PLEKHH2: variants seen among roughly 807,000 people sequenced by gnomAD.
PLEKHH2 encodes the protein pleckstrin homology, MyTH4 and FERM domain containing H2.
A neutral mutation model predicts 187.9 loss-of-function variants in PLEKHH2; 129 were observed. The observed-to-expected ratio is 0.69, with a 90% CI of 0.59 to 0.79. PLEKHH2 has a LOEUF of 0.79. PLEKHH2 is among the 30% of genes least tolerant of loss of function. The pLI, the probability that PLEKHH2 is intolerant of heterozygous loss-of-function variation, is 0.00. For synonymous variants in PLEKHH2, 686 were observed against 605.6 expected (o/e 1.13, Z -1.95); for missense variants, 2,076 against 1,751.2 (o/e 1.19, Z -3.31).
At chr2:43,725,202 A>G (rs969082927) in intron 16 of PLEKHH2, among the ~76,000 whole-genome samples, 12 of 152,158 alleles carry the variant, frequency 7.9e-5, no homozygotes, top group African/African-American at 2.7e-4. Context: ...TTCCGTAACC[A>G]CATAGGCTGA....
intron 15 of PLEKHH2, among the ~76,000 whole-genome samples, chr2:43,718,931 G>T (rs1670342351): frequency 6.6e-6 from 1 of 152,140 alleles, no homozygotes; most frequent in Non-Finnish European, 1.5e-5. Context: ...TTACTCATTT[G>T]CTTAAACCAC....
chr2:43,677,361 G>C (rs1667868693), intron 2 of PLEKHH2, among the ~76,000 whole-genome samples: 1 of 152,162 alleles, frequency 6.6e-6, no homozygotes, highest in Non-Finnish European at 1.5e-5. Context: ...TGCAGTGTTT[G>C]TGTCCCTAGG....
At chr2:43,691,509 G>A (rs1281609450) in intron 3 of PLEKHH2, among the ~76,000 whole-genome samples, 4 of 152,304 alleles carry the variant, frequency 2.6e-5, no homozygotes, top group East Asian at 3.9e-4. Context: ...GGGATCAATC[G>A]AAAGAAAGTG....
At position 43,765,401 on chromosome 2, in the gene PLEKHH2, T is replaced by C; in HGVS notation, c.4297-12T>C. 1 of 1,612,650 alleles carries C rather than the reference T, an allele frequency of 6.2e-7. No individual in the cohort carries two copies. The highest frequency in any genetic ancestry group is 1.3e-5 in the African/African-American group (1 of 74,998). ...TCTAAGGAGCAAAACAATTCTGTTT[T>C]CCTTGTTTTAGATTCTTGAAATCAC... On this transcript the variant is annotated splice_polypyrimidine_tract_variant and intron_variant, in intron 29 of 29. Coordinates refer to ENST00000282406, the MANE Select transcript of PLEKHH2 (RefSeq NM_172069.4).
chr2:43,738,659 C>A, intron 20 of PLEKHH2, 139 bp downstream of exon 20: 1 of 807,916 alleles, frequency 1.2e-6, no homozygotes, highest in Non-Finnish European at 1.8e-6. Context: ...ATTTTGATGT[C>A]TACCTTTTTG....
At chr2:43,761,166 A>G (rs1036505452) in intron 27 of PLEKHH2, among the ~76,000 whole-genome samples, 48 of 152,156 alleles carry the variant, frequency 3.2e-4, no homozygotes, top group African/African-American at 1.1e-3. Context: ...AGCAAGTTTT[A>G]TTATATAAAA....
chr2:43,700,489 T>C lies in PLEKHH2; in HGVS notation c.1531T>C (p.Leu511=). 1 of 1,614,066 alleles carries C rather than the reference T, an allele frequency of 6.2e-7. No individual in the cohort carries two copies. The highest frequency in any genetic ancestry group is 1.3e-5 in the African/African-American group (1 of 74,992). The change falls in exon 8 of 30, where the codon TTA becomes CTA. Residue 511 remains leucine, a synonymous_variant. Coordinates refer to ENST00000282406, the MANE Select transcript of PLEKHH2 (RefSeq NM_172069.4). The part of the protein sequence containing the change: ...ENMDTSCDDG[L]FSYDSLDSPN... ...TATGGACACGAGTTGTGATGATGGA[T>C]TATTTTCCTATGACTCCTTGGACTC...
In PLEKHH2 at chr2:43,711,687, C is replaced by T. The variant is rs562949918; in HGVS notation, c.2302-538C>T. On this transcript the variant is annotated intron_variant, in intron 14 of 29. Transcript: ENST00000282406. Reference sequence around the variant, plus strand: ...CAGGCGGATCATGAGGTCAGGAGATCGAGACCATCCTGGCTAACACGGTGA... The same window carrying T: ...CAGGCGGATCATGAGGTCAGGAGATTGAGACCATCCTGGCTAACACGGTGA... 40 of 569,258 alleles carry T rather than the reference C, an allele frequency of 7.0e-5. No individual in the cohort carries two copies. In the East Asian group the frequency reaches 4.7e-3, roughly 66 times the overall value. The allele number at this position is 569,258 out of a possible 1,614,324, so 35.3% of individuals were successfully genotyped here.
intron 19 of PLEKHH2, among the ~76,000 whole-genome samples, chr2:43,736,563 G>A (rs972213444): frequency 1.3e-5 from 2 of 152,172 alleles, no homozygotes; most frequent in South Asian, 2.1e-4. Flanking sequence ...GATCGGGCGC[G>A]GTGGCTCACC....
chr2:43,675,657 T>C (rs773917577), intron 2 of PLEKHH2: 1 of 1,614,008 alleles, frequency 6.2e-7, no homozygotes, highest in Non-Finnish European at 8.5e-7. Context: ...ATTTCAGGCA[T>C]ATTGCCAGCT....
intron 4 of PLEKHH2, among the ~76,000 whole-genome samples, chr2:43,693,215 A>G (rs894188999): frequency 6.6e-6 from 1 of 152,144 alleles, no homozygotes; most frequent in Non-Finnish European, 1.5e-5. Flanking sequence ...ATGAGCCACC[A>G]TGCCCAGCCA....
intron 3 of PLEKHH2, chr2:43,681,586 T>A: frequency 1.2e-6 from 1 of 854,778 alleles, no homozygotes; most frequent in Non-Finnish European, 1.9e-6. Context: ...CACTCATGAC[T>A]AGTGCCTCTT....
rs1327433491 is a variant in PLEKHH2 at position 43,767,006 on chromosome 2, G to C, written c.*1408G>C. 1 of 152,762 alleles carries C rather than the reference G, an allele frequency of 6.5e-6. No individual in the cohort carries two copies. Among genetic ancestry groups the C allele is most frequent in the African/African-American group, 2.4e-5 (1 of 41,436 alleles). The allele number at this position is 152,762 out of a possible 1,614,324, so 9.5% of individuals were successfully genotyped here. ...ATTACTTTATTAGGTTATGTAAGTG[G>C]TCAGTGCATTCCAGTATGTGTCACA... On this transcript the variant is annotated 3_prime_UTR_variant, in exon 30 of 30. Transcript: ENST00000282406.
At chr2:43,703,891 GA>G in intron 8 of PLEKHH2, 89 bp from the exon 9 acceptor site, 1 of 786,150 alleles carries the variant, frequency 1.3e-6, no homozygotes, top group Non-Finnish European at 2.0e-6. Flanking sequence ...AAGAACAAAT[GA>G]AAAACATGTG....
chr2:43,712,097 A>G, intron 14 of PLEKHH2, 128 bp from the exon 15 acceptor site: 2 of 1,344,568 alleles, frequency 1.5e-6, no homozygotes, highest in South Asian at 2.9e-5. Flanking sequence ...TTATTTAGAA[A>G]CTGGGACTTG....
intron 15 of PLEKHH2, among the ~76,000 whole-genome samples, chr2:43,714,146 C>G (rs1670101055): frequency 6.6e-6 from 1 of 152,144 alleles, no homozygotes; most frequent in Non-Finnish European, 1.5e-5. Flanking sequence ...ATATGCATAT[C>G]AAACCCTGAG....
chr2:43,643,640 C>T (rs1224214283), intron 1 of PLEKHH2, among the ~76,000 whole-genome samples: 1 of 152,024 alleles, frequency 6.6e-6, no homozygotes, highest in Non-Finnish European at 1.5e-5. Context: ...CAGTTCCATT[C>T]CAGGGCTCTG....
chr2:43,721,985 T>C (rs1244212331), intron 16 of PLEKHH2, among the ~76,000 whole-genome samples: 1 of 151,980 alleles, frequency 6.6e-6, no homozygotes, highest in Admixed American at 6.6e-5. Context: ...GTGCTGTCAA[T>C]GTAATCCTAA....
At chr2:43,713,760 A>C (rs114172669) in intron 15 of PLEKHH2, among the ~76,000 whole-genome samples, 2,947 of 151,820 alleles carry the variant, frequency 0.019, 30 homozygotes, top group Non-Finnish European at 0.024. Context: ...CAAAATATGT[A>C]TACACACATA....
Sources: allele counts gnomAD v4.1 joint callset (sites outside exome capture counted in the v4.1 genomes callset), GRCh38; gene constraint gnomAD v4.1.1; transcripts MANE v1.5; gene names NCBI Gene and HGNC (gene_info 2026-07-23, HGNC 2026-07-21).